TMEM163: variants seen among roughly 807,000 people sequenced by gnomAD.
TMEM163 encodes transmembrane protein 163.
A neutral mutation model predicts 29.3 loss-of-function variants in TMEM163; 17 were observed. The observed-to-expected ratio is 0.58, with a 90% CI of 0.40 to 0.87. The LOEUF (loss-of-function observed/expected upper bound fraction) is 0.87. TMEM163 is among the 40% of genes least tolerant of loss of function. TMEM163 has a pLI of 0.00. For missense variants in TMEM163, 303 were observed against 381.5 expected, an observed-to-expected ratio of 0.79 and a Z score of 1.71; for synonymous variants, 157 against 160.6, an observed-to-expected ratio of 0.98 and a Z score of 0.17.
chr2:134,702,214 C>T (rs1684720319), intron 2 of TMEM163, among the ~76,000 whole-genome samples: 1 of 152,226 alleles, frequency 6.6e-6, no homozygotes, highest in Non-Finnish European at 1.5e-5. Context: ...TAGGACCACA[C>T]TCATAGGATT....
intron 2 of TMEM163, among the ~76,000 whole-genome samples, chr2:134,570,524 A>ATATACATATACACATAC (rs1395682083): frequency 6.8e-6 from 1 of 147,974 alleles, no homozygotes; most frequent in African/African-American, 2.5e-5. Flanking sequence ...ATACATATAC[A>ATATACATATACACATAC]ACATAGTCAT....
intron 2 of TMEM163, among the ~76,000 whole-genome samples, chr2:134,655,791 G>A (rs1449018534): frequency 2.1e-5 from 3 of 142,022 alleles, no homozygotes; most frequent in Admixed American, 2.1e-4. Context: ...CTGCAGGTCT[G>A]TTGGAATACC....
chr2:134,475,738 A>G (rs1229558836), intron 5 of TMEM163, among the ~76,000 whole-genome samples: 1 of 152,214 alleles, frequency 6.6e-6, no homozygotes, highest in Non-Finnish European at 1.5e-5. Context: ...GATAATCAAC[A>G]TTATTGGTCA....
intron 4 of TMEM163, among the ~76,000 whole-genome samples, chr2:134,539,645 C>A (rs961439629): frequency 6.6e-6 from 1 of 152,162 alleles, no homozygotes; most frequent in Non-Finnish European, 1.5e-5. Context: ...TGAGCCATAA[C>A]CTAACATCAA....
intron 2 of TMEM163, among the ~76,000 whole-genome samples, chr2:134,677,469 A>AT (rs67633762): frequency 0.66 from 100,322 of 151,930 alleles, 34,708 homozygotes; most frequent in African/African-American, 0.83. Flanking sequence ...ATATAGTTGG[A>AT]TTTTTTTTAA....
In TMEM163 at chr2:134,523,246, G is replaced by A. The variant is rs945635321; in HGVS notation, c.459-20249C>T. Among the ~76,000 whole-genome samples, 4 of 152,146 alleles carry A rather than the reference G, an allele frequency of 2.6e-5. No individual in the cohort carries two copies. The East Asian group carries it at 7.7e-4, about 29-fold the overall frequency. On this transcript the variant is annotated intron_variant, in intron 4 of 7. Coordinates refer to ENST00000281924, the MANE Select transcript of TMEM163 (RefSeq NM_030923.5). Reference sequence around the variant, plus strand: ...ATAGCCTGGGAGTGGGTCTGCAGGTGGGGGTCGGAGCGTCTGTGTGCTATT... The same window carrying A: ...ATAGCCTGGGAGTGGGTCTGCAGGTAGGGGTCGGAGCGTCTGTGTGCTATT...
chr2:134,512,364 C>A (rs180910596), intron 4 of TMEM163, among the ~76,000 whole-genome samples: 29 of 152,274 alleles, frequency 1.9e-4, no homozygotes, highest in Non-Finnish European at 3.8e-4. Flanking sequence ...GAAGCTGAGG[C>A]AGGAGAATCG....
intron 4 of TMEM163, among the ~76,000 whole-genome samples, chr2:134,549,920 C>A (rs775973507): frequency 6.6e-6 from 1 of 151,996 alleles, no homozygotes; most frequent in African/African-American, 2.4e-5. Context: ...TTGTCTTTTT[C>A]TTGCTTTTCC....
At chr2:134,577,229 T>C (rs16830829) in intron 2 of TMEM163, among the ~76,000 whole-genome samples, 2,844 of 152,290 alleles carry the variant, frequency 0.019, 76 homozygotes, top group African/African-American at 0.063. Flanking sequence ...CACCGTCGAC[T>C]CTAATTTGAT....
At chr2:134,525,677 G>A (rs911565043) in intron 4 of TMEM163, among the ~76,000 whole-genome samples, 5 of 152,186 alleles carry the variant, frequency 3.3e-5, no homozygotes, top group Admixed American at 1.3e-4. Context: ...CTCCAAGTTT[G>A]TGTTTAGGGA....
At chr2:134,565,904 C>T (rs1574242551) in intron 2 of TMEM163, among the ~76,000 whole-genome samples, 1 of 152,174 alleles carries the variant, frequency 6.6e-6, no homozygotes, top group African/African-American at 2.4e-5. Context: ...AGCAAATCCA[C>T]AGTGGTAGAA....
chr2:134,669,811 G>A (rs1401821972), intron 2 of TMEM163, among the ~76,000 whole-genome samples: 2 of 152,176 alleles, frequency 1.3e-5, no homozygotes, highest in Non-Finnish European at 2.9e-5. Flanking sequence ...CAACTGCAAG[G>A]CCACCATGCT....
At chr2:134,552,150 A>G in intron 2 of TMEM163, 59 bp from the exon 3 acceptor site, 1 of 1,362,684 alleles carries the variant, frequency 7.3e-7, no homozygotes, top group South Asian at 1.3e-5. Context: ...TTTTGAGTAT[A>G]TTAATACATT....
chr2:134,640,453 A>G (rs1039806475), intron 2 of TMEM163, among the ~76,000 whole-genome samples: 8 of 152,160 alleles, frequency 5.3e-5, no homozygotes, highest in Non-Finnish European at 1.2e-4. Context: ...ATTTCATGAA[A>G]AGCAAGATGA....
intron 6 of TMEM163, among the ~76,000 whole-genome samples, chr2:134,462,033 G>A (rs1686552210): frequency 6.6e-6 from 1 of 152,210 alleles, no homozygotes; most frequent in Non-Finnish European, 1.5e-5. Context: ...AGTACAATTA[G>A]CAGGAGGCTG....
At chr2:134,596,786 C>T (rs1391052688) in intron 2 of TMEM163, among the ~76,000 whole-genome samples, 4 of 152,040 alleles carry the variant, frequency 2.6e-5, no homozygotes, top group East Asian at 1.9e-4. Flanking sequence ...TCTTTTATTT[C>T]GTTGAGCAGT....
chr2:134,535,088 C>T (rs1387870077), intron 4 of TMEM163, among the ~76,000 whole-genome samples: 1 of 152,216 alleles, frequency 6.6e-6, no homozygotes, highest in African/African-American at 2.4e-5. Flanking sequence ...CACATGTCCT[C>T]ATATTCTGGA....
intron 2 of TMEM163, 109 bp downstream of exon 2, chr2:134,713,091 T>A: frequency 1.3e-6 from 2 of 1,489,188 alleles, no homozygotes; most frequent in Non-Finnish European, 1.8e-6. Context: ...TCTAAAAAAA[T>A]TTACTCATCA....
rs895774132 is a variant in TMEM163 at position 134,553,862 on chromosome 2, CA to C, written c.323-1772del. The stretch of plus-strand genomic sequence containing the variant: ...GCCATGCCAGCCATGCTGACGTGTG[CA>C]AAAAAAGCAGCTGATCCCTGGCGGG... On this transcript the variant is annotated intron_variant, in intron 2 of 7. Transcript: ENST00000281924. 3.3e-5 allele frequency among the ~76,000 whole-genome samples: 5 copies of C among 152,058 alleles called. No homozygotes were observed. The East Asian group carries it at 9.6e-4, about 29-fold the overall frequency.
Sources: gnomAD v4.1 joint callset for allele counts (sites outside exome capture counted in the v4.1 genomes callset) on GRCh38, gnomAD v4.1.1 for gene constraint, MANE v1.5 for transcripts, NCBI Gene and HGNC (gene_info 2026-07-23, HGNC 2026-07-21) for gene names.